Variants in GRIA1 observed in about 807,000 individuals in gnomAD.
GRIA1 encodes glutamate receptor 1.
In GRIA1, 31 loss-of-function variants were observed where a neutral mutation model predicts 99.2. The observed-to-expected ratio is 0.31, with a 90% CI of 0.23 to 0.42. The LOEUF is 0.42. Among genes scored for constraint, GRIA1 ranks in the 10% least tolerant of loss-of-function variants. The pLI is 1.00. For synonymous variants in GRIA1, 438 were observed against 432.4 expected (o/e 1.01, Z -0.16); for missense variants, 782 against 1,157.5 (o/e 0.68, Z 4.71).
chr5:153,735,873 G>A (rs1322371019), intron 11 of GRIA1, among the ~76,000 whole-genome samples: 1 of 152,188 alleles, frequency 6.6e-6, no homozygotes, highest in Non-Finnish European at 1.5e-5. Context: ...CATTTGTGGA[G>A]TGACAGGTGT....
chr5:153,702,575 G>T (rs752441219), intron 10 of GRIA1, among the ~76,000 whole-genome samples: 1 of 152,166 alleles, frequency 6.6e-6, no homozygotes, highest in African/African-American at 2.4e-5. Flanking sequence ...TAGACATCAC[G>T]TATTTTGTTT....
intron 4 of GRIA1, among the ~76,000 whole-genome samples, chr5:153,652,189 T>G (rs898847209): frequency 6.6e-6 from 1 of 152,104 alleles, no homozygotes; most frequent in Non-Finnish European, 1.5e-5. Flanking sequence ...ATCTGTAAAA[T>G]GTGAATGAAG....
intron 12 of GRIA1, among the ~76,000 whole-genome samples, chr5:153,767,021 T>C (rs141439837): frequency 4.2e-3 from 642 of 152,310 alleles, no homozygotes; most frequent in Middle Eastern, 0.01. Flanking sequence ...CTAGAGATTC[T>C]GAGGTCACAT....
chr5:153,719,547 C>A (rs1329507414), intron 11 of GRIA1, among the ~76,000 whole-genome samples: 3 of 152,034 alleles, frequency 2.0e-5, no homozygotes, highest in Non-Finnish European at 4.4e-5. Flanking sequence ...CTCCTGGCTC[C>A]TCTGTGGGCT....
chr5:153,671,708 G>T (rs1303674883), intron 5 of GRIA1, among the ~76,000 whole-genome samples: 1 of 152,196 alleles, frequency 6.6e-6, no homozygotes, highest in East Asian at 1.9e-4. Context: ...CTTGAGGAAA[G>T]TCTCTGGCTT....
intron 2 of GRIA1, among the ~76,000 whole-genome samples, chr5:153,643,622 G>A (rs1415251348): frequency 6.6e-6 from 1 of 152,152 alleles, no homozygotes; most frequent in Non-Finnish European, 1.5e-5. Context: ...CTGAAGTGTA[G>A]AAATGGTCTG....
chr5:153,747,249 T>TGGTAAGAGAGGG (rs1762217461), intron 11 of GRIA1, among the ~76,000 whole-genome samples: 1 of 152,072 alleles, frequency 6.6e-6, no homozygotes, highest in Non-Finnish European at 1.5e-5. Context: ...GCGTGTCACA[T>TGGTAAGAGAGGG]GGTAAGAGAG....
intron 5 of GRIA1, among the ~76,000 whole-genome samples, chr5:153,656,383 T>TATATATATATATATATATATATA (rs1754951606): frequency 4.3e-4 from 40 of 92,650 alleles, no homozygotes; most frequent in South Asian, 1.4e-3. Context: ...ATAAGTTTGT[T>TATATATATATATATATATATATA]TATATATATA....
In GRIA1 at chr5:153,811,143, G is replaced by A. The variant is rs1561880441; in HGVS notation, c.2639G>A (p.Ser880Asn). Residue 880 changes from serine to asparagine, a missense_variant, in exon 16 of 16, where the codon AGC (serine) becomes AAC (asparagine). Physicochemically the swap from Ser to Asn is conservative, Grantham distance 46 (BLOSUM62 1). Coordinates refer to ENST00000285900, the MANE Select transcript of GRIA1 (RefSeq NM_000827.4). ...GGSGENGRVVSHDFPKSMQSI... is the reference protein window; with the variant it reads ...GGSGENGRVVNHDFPKSMQSI... The stretch of plus-strand genomic sequence containing the variant: ...AGTGGAGAGAATGGTCGGGTGGTCA[G>A]CCATGACTTCCCCAAGTCCATGCAA... 1 of 1,614,140 alleles carries A rather than the reference G, an allele frequency of 6.2e-7. No homozygotes were observed. The highest frequency in any genetic ancestry group is 8.5e-7 in the Non-Finnish European group (1 of 1,179,988).
At chr5:153,595,837 C>T (rs1581290694) in intron 2 of GRIA1, among the ~76,000 whole-genome samples, 1 of 150,670 alleles carries the variant, frequency 6.6e-6, no homozygotes, top group Non-Finnish European at 1.5e-5. Flanking sequence ...TAACAAAGTG[C>T]TAGACACAGA....
intron 2 of GRIA1, among the ~76,000 whole-genome samples, chr5:153,608,595 C>A (rs1765662277): frequency 6.6e-6 from 1 of 152,056 alleles, no homozygotes; most frequent in Non-Finnish European, 1.5e-5. Flanking sequence ...TTTCGTGGTT[C>A]TTTCACATGG....
In GRIA1 at chr5:153,620,589, A is replaced by C. The variant is rs373331700; in HGVS notation, c.221-26339A>C. Among the ~76,000 whole-genome samples, 13 of 152,312 alleles carry C rather than the reference A, an allele frequency of 8.5e-5. No homozygotes were observed. The East Asian group carries it at 1.7e-3, about 20-fold the overall frequency. On this transcript the variant is annotated intron_variant, in intron 2 of 15. Coordinates refer to ENST00000285900, the MANE Select transcript of GRIA1 (RefSeq NM_000827.4). ...ACCTGGATCCAGGGAATTCGTGTTT[A>C]CTGGGTGCCACAACTTGTGTTAGCA...
intron 2 of GRIA1, among the ~76,000 whole-genome samples, chr5:153,569,566 A>G (rs993764684): frequency 6.6e-6 from 1 of 152,222 alleles, no homozygotes; most frequent in Non-Finnish European, 1.5e-5. Flanking sequence ...AACCTGGGAT[A>G]GCCCAGATAT....
intron 2 of GRIA1, among the ~76,000 whole-genome samples, chr5:153,622,995 C>T (rs1185941671): frequency 1.3e-5 from 2 of 152,156 alleles, no homozygotes; most frequent in African/African-American, 4.8e-5. Context: ...GAGTTGATCA[C>T]TTTAGAGTGG....
In GRIA1 at chr5:153,705,758, T is replaced by A; in HGVS notation, c.1514T>A (p.Phe505Tyr). The A allele has an allele frequency of 6.2e-7, 1 of 1,600,378 alleles. No individual in the cohort carries two copies. The highest frequency in any genetic ancestry group is 8.5e-7 in the Non-Finnish European group (1 of 1,172,284). ...ITLVREEVIDFSKPFMSLGIS... is the reference protein window; with the variant it reads ...ITLVREEVIDYSKPFMSLGIS... ...TTGGTCCGGGAAGAAGTTATAGATT[T>A]CTCCAAACCATTTATGAGTTTGGGG... is the stretch of plus-strand genomic sequence containing the variant. The change falls in exon 11 of 16, where the codon TTC (phenylalanine) becomes TAC (tyrosine). Residue 505 changes from phenylalanine (F) to tyrosine (Y), a missense_variant. Physicochemically the swap from Phe to Tyr is conservative, Grantham distance 22 (BLOSUM62 3). This residue lies in a region of GRIA1 where 87 missense variants were observed against 184.5 expected (regional missense o/e 0.47). Coordinates refer to ENST00000285900, the MANE Select transcript of GRIA1 (RefSeq NM_000827.4).
chr5:153,556,120 G>A (rs1207204831), intron 2 of GRIA1, among the ~76,000 whole-genome samples: 1 of 152,194 alleles, frequency 6.6e-6, no homozygotes, highest in Non-Finnish European at 1.5e-5. Flanking sequence ...TGTTCATGGT[G>A]AAATGAGTAG....
At chr5:153,501,419 C>T (rs1243183466) in intron 2 of GRIA1, among the ~76,000 whole-genome samples, 1 of 152,118 alleles carries the variant, frequency 6.6e-6, no homozygotes, top group Non-Finnish European at 1.5e-5. Context: ...GAGCTGAGGA[C>T]TGAAGGCTTT....
At chr5:153,638,004 T>A (rs1753505636) in intron 2 of GRIA1, among the ~76,000 whole-genome samples, 1 of 152,202 alleles carries the variant, frequency 6.6e-6, no homozygotes, top group African/African-American at 2.4e-5. Context: ...AAAAAGTTAC[T>A]TGATAATATA....
intron 13 of GRIA1, among the ~76,000 whole-genome samples, chr5:153,788,846 T>C (rs1158352794): frequency 1.3e-5 from 2 of 152,230 alleles, no homozygotes; most frequent in Non-Finnish European, 2.9e-5. Context: ...TCAATGTAGA[T>C]GTCCCTTCTA....
Sources: gnomAD v4.1 joint callset for allele counts (sites outside exome capture counted in the v4.1 genomes callset) on GRCh38, gnomAD v4.1.1 for gene constraint, gnomAD v4.1.1 regional missense constraint, MANE v1.5 for transcripts, NCBI Gene and HGNC (gene_info 2026-07-23, HGNC 2026-07-21) for gene names.